Variants in CYFIP2 observed in about 807,000 individuals in gnomAD.
The protein encoded by CYFIP2 is cytoplasmic FMR1 interacting protein 2.
In CYFIP2, 29 loss-of-function variants were observed where a neutral mutation model predicts 158.7. The ratio of observed to expected loss-of-function variants is 0.18; its 90% confidence interval spans 0.14 to 0.25. CYFIP2 has a LOEUF of 0.25. Ranked by LOEUF, CYFIP2 falls within the 10% of genes least tolerant of loss-of-function variation. CYFIP2 has a pLI of 1.00. For missense variants in CYFIP2, 852 were observed against 1,639.5 expected, an observed-to-expected ratio of 0.52 and a Z score of 8.29; for synonymous variants, 585 against 617.6, an observed-to-expected ratio of 0.95 and a Z score of 0.78.
At chr5:157,366,940 G>A (rs1341845692) in intron 26 of CYFIP2, among the ~76,000 whole-genome samples, 4 of 152,202 alleles carry the variant, frequency 2.6e-5, no homozygotes, top group Non-Finnish European at 5.9e-5. Context: ...TACGTGTGAG[G>A]GAAGGCAGGC....
At position 157,329,986 on chromosome 5, in the gene CYFIP2, C is replaced by G. The variant is rs575291531; in HGVS notation, c.2157-756C>G. 2.6e-5 allele frequency among the ~76,000 whole-genome samples: 4 copies of G among 152,220 alleles called. No individual in the cohort carries two copies. The South Asian group carries it at 6.2e-4, about 24-fold the overall frequency. On this transcript the variant is annotated intron_variant, in intron 19 of 30. Transcript: ENST00000620254. ...ACCATGCTCTCCAACCTGCACTATA[C>G]TTTATCCACACTGGCCATCTTTCCT... is the stretch of plus-strand genomic sequence containing the variant.
intron 28 of CYFIP2, among the ~76,000 whole-genome samples, chr5:157,388,477 G>A (rs898697137): frequency 2.6e-5 from 4 of 152,330 alleles, no homozygotes; most frequent in African/African-American, 9.6e-5. Context: ...AAAGTCAAGA[G>A]TGACAATCCC....
intron 26 of CYFIP2, among the ~76,000 whole-genome samples, chr5:157,373,386 GCCCCC>G (rs750714427): frequency 3.3e-5 from 5 of 152,080 alleles, no homozygotes; most frequent in Non-Finnish European, 7.3e-5. Flanking sequence ...CACCCCTTCA[GCCCCC>G]CAGAAAGAGC....
chr5:157,381,558 G>T (rs1334277176), intron 26 of CYFIP2, among the ~76,000 whole-genome samples: 1 of 151,418 alleles, frequency 6.6e-6, no homozygotes, highest in African/African-American at 2.4e-5. Flanking sequence ...GGGGTGAGGG[G>T]GAAGTTTCCC....
rs377408663 is a variant in CYFIP2, at chr5:157,319,943, G to A, written c.1523+15G>A. ...GTCCTCATCAGGTGGGTTTTCAGAT[G>A]CCTTCAGGAGCATATCAGACATAAG... On this transcript the variant is annotated intron_variant, in intron 14 of 30. Coordinates refer to ENST00000620254, the MANE Select transcript of CYFIP2 (RefSeq NM_001037333.3). 78 of 1,612,790 alleles carry A rather than the reference G, an allele frequency of 4.8e-5. No individual in the cohort carries two copies. In the African/African-American group the frequency reaches 8.8e-4, roughly 18 times the overall value.
In CYFIP2 at chr5:157,389,329, C is replaced by G. The variant is rs769817015; in HGVS notation, c.3348C>G (p.Gly1116=). 1.9e-6 allele frequency: 3 copies of G among 1,613,996 alleles called. No homozygotes were observed. The highest frequency in any genetic ancestry group is 3.3e-5 in the Admixed American group (2 of 60,010). The change falls in exon 29 of 31, where the codon GGC becomes GGG. Residue 1116 remains glycine (G), a synonymous_variant. Transcript: ENST00000620254. ...GGCGGGGCCCACCGCCCACCAATGGCGTCATGCACGTCGATGAGTGTGTGG... is the reference window on the plus strand; with the variant it reads ...GGCGGGGCCCACCGCCCACCAATGGGGTCATGCACGTCGATGAGTGTGTGG... ...PIWRGPPPTN[G]VMHVDECVEF... is the part of the protein sequence containing the mutation.
chr5:157,353,438 A>T (rs1355462305), intron 23 of CYFIP2, among the ~76,000 whole-genome samples: 1 of 152,176 alleles, frequency 6.6e-6, no homozygotes, highest in Admixed American at 6.5e-5. Context: ...AGCTCTTTGG[A>T]TCTTTCAGCC....
At chr5:157,325,776 C>A in intron 17 of CYFIP2, 138 bp downstream of exon 17, 1 of 908,202 alleles carries the variant, frequency 1.1e-6, no homozygotes, top group Non-Finnish European at 1.6e-6. Flanking sequence ...AGGGAGAGCT[C>A]AGCCAGACAG....
chr5:157,370,096 G>A (rs1764854073), intron 26 of CYFIP2, among the ~76,000 whole-genome samples: 2 of 152,044 alleles, frequency 1.3e-5, no homozygotes, highest in East Asian at 3.9e-4. Flanking sequence ...GGCCAGGCTG[G>A]TCTTGAACTC....
chr5:157,353,811 T>A (rs1401730590), intron 23 of CYFIP2, among the ~76,000 whole-genome samples: 2 of 152,182 alleles, frequency 1.3e-5, no homozygotes, highest in Non-Finnish European at 2.9e-5. Context: ...ACAGTTTAAT[T>A]CCTCTTGGGA....
chr5:157,381,465 C>G (rs1034378862), intron 26 of CYFIP2, among the ~76,000 whole-genome samples: 8 of 146,378 alleles, frequency 5.5e-5, no homozygotes, highest in African/African-American at 2.0e-4. Flanking sequence ...GAGGCAGAGG[C>G]TGCAGTGAGC....
At position 157,319,673 on chromosome 5, in the gene CYFIP2, C is replaced by A. The variant is rs1760431573; in HGVS notation, c.1357-89C>A. On this transcript the variant is annotated intron_variant, in intron 13 of 30. Coordinates refer to ENST00000620254, the MANE Select transcript of CYFIP2 (RefSeq NM_001037333.3). ...GCCTCATGCCTCTGGACATCTCACTCCCCGCCTCCCCTGGCAGGGCGGTGA... is the reference window on the plus strand; with the variant it reads ...GCCTCATGCCTCTGGACATCTCACTACCCGCCTCCCCTGGCAGGGCGGTGA... 2.0e-6 allele frequency: 3 copies of A among 1,507,634 alleles called. No individual in the cohort carries two copies. In the Admixed American group the frequency reaches 6.1e-5, roughly 31 times the overall value. 93.4% of individuals were successfully genotyped at this position (1,507,634 alleles called of 1,614,324 possible). A position where few individuals can be genotyped will look rare whatever the true frequency, so the allele number is the denominator to read the frequency against.
intron 30 of CYFIP2, 90 bp from the exon 31 acceptor site, chr5:157,392,743 G>A (rs1217067297): frequency 3.6e-6 from 5 of 1,392,998 alleles, no homozygotes; most frequent in African/African-American, 1.4e-5. Flanking sequence ...TGATGCAGGG[G>A]ACCCTGGACC....
chr5:157,270,904 G>C (rs982507863), intron 1 of CYFIP2, among the ~76,000 whole-genome samples: 4 of 152,188 alleles, frequency 2.6e-5, no homozygotes, highest in Non-Finnish European at 5.9e-5. Flanking sequence ...CCTGGTGTGT[G>C]CCTATCTCTG....
At chr5:157,371,499 A>G (rs1451215145) in intron 26 of CYFIP2, among the ~76,000 whole-genome samples, 1 of 152,212 alleles carries the variant, frequency 6.6e-6, no homozygotes. Context: ...CCCTAAAGGT[A>G]GAGTCTAATG....
At chr5:157,342,943 G>T in intron 23 of CYFIP2, 1 of 1,614,216 alleles carries the variant, frequency 6.2e-7, no homozygotes. Context: ...CATCCTGGTT[G>T]GCTTCGGGAT....
At chr5:157,374,496 A>G (rs1765279849) in intron 26 of CYFIP2, among the ~76,000 whole-genome samples, 1 of 152,096 alleles carries the variant, frequency 6.6e-6, no homozygotes, top group Non-Finnish European at 1.5e-5. Context: ...AATAAGCACA[A>G]ACCCTGACAA....
At chr5:157,365,748 G>T (rs1764305245) in intron 26 of CYFIP2, among the ~76,000 whole-genome samples, 1 of 134,694 alleles carries the variant, frequency 7.4e-6, no homozygotes, top group Admixed American at 7.5e-5. Flanking sequence ...TGAACTTCAT[G>T]TAGAGTTATC....
intron 21 of CYFIP2, among the ~76,000 whole-genome samples, chr5:157,337,829 A>G (rs1334505057): frequency 6.6e-6 from 1 of 152,228 alleles, no homozygotes; most frequent in Admixed American, 6.5e-5. Context: ...CTTTCAAAGG[A>G]CTTTCACAGC....
Sources: allele counts gnomAD v4.1 joint callset (sites outside exome capture counted in the v4.1 genomes callset), GRCh38; gene constraint gnomAD v4.1.1; transcripts MANE v1.5; gene names NCBI Gene and HGNC (gene_info 2026-07-23, HGNC 2026-07-21).